The following FSTL5 variants were observed in gnomAD, a reference collection of about 807,000 sequenced individuals.
FSTL5 encodes the protein follistatin like 5.
FSTL5 carries 62 observed loss-of-function variants against 89.1 expected under a neutral mutation model. The ratio of observed to expected loss-of-function variants is 0.70; its 90% CI spans 0.57 to 0.86. The LOEUF (loss-of-function observed/expected upper bound fraction) is 0.86, where lower values mean the gene tolerates loss of function less well. FSTL5 is among the 40% of genes least tolerant of loss of function. The probability of loss-of-function intolerance (pLI) is 0.00; values close to 1 mark genes in which losing one functional copy is unlikely to be tolerated. For synonymous variants in FSTL5, 383 were observed against 346.2 expected (o/e 1.11, Z -1.18); for missense variants, 1,057 against 1,001.6 (o/e 1.06, Z -0.75).
chr4:161,878,233 G>A (rs186714297), intron 4 of FSTL5, among the ~76,000 whole-genome samples: 105 of 152,080 alleles, frequency 6.9e-4, no homozygotes, highest in Admixed American at 1.3e-3. Context: ...AAAATTATGA[G>A]TCACAGTTTA....
intron 4 of FSTL5, among the ~76,000 whole-genome samples, chr4:161,803,813 C>T (rs1729875088): frequency 6.6e-6 from 1 of 152,038 alleles, no homozygotes; most frequent in African/African-American, 2.4e-5. Flanking sequence ...CTGATAGTTT[C>T]TCAAGATCAG....
At chr4:161,440,379 A>G (rs1732718772) in intron 15 of FSTL5, among the ~76,000 whole-genome samples, 1 of 152,052 alleles carries the variant, frequency 6.6e-6, no homozygotes, top group African/African-American at 2.4e-5. Context: ...GGGCACACAT[A>G]AAATACACTA....
At chr4:161,543,457 C>T (rs905237402) in intron 8 of FSTL5, among the ~76,000 whole-genome samples, 15 of 151,216 alleles carry the variant, frequency 9.9e-5, no homozygotes, top group African/African-American at 2.4e-4. Flanking sequence ...GCATTTTTTT[C>T]GAGAAATTAA....
intron 6 of FSTL5, among the ~76,000 whole-genome samples, chr4:161,676,135 A>G (rs1429970813): frequency 2.0e-5 from 3 of 152,148 alleles, no homozygotes; most frequent in Non-Finnish European, 4.4e-5. Flanking sequence ...TAATTAACAT[A>G]AAATGTTTAG....
rs4691018 is a variant in FSTL5, at chr4:161,656,973, A to G, written c.728-479T>C. On this transcript the variant is annotated intron_variant, in intron 6 of 15. Coordinates refer to ENST00000306100, the MANE Select transcript of FSTL5 (RefSeq NM_020116.5). ...ATAAGATTTGTTTGGGAAGTTGAAG[A>G]AGTAAAAATCTGAAGTTCGCTGACC... 6.0e-3 allele frequency among the ~76,000 whole-genome samples: 916 copies of G among 152,312 alleles called. 9 individuals are homozygous for G. The highest frequency in any genetic ancestry group is 0.046 in the South Asian group (220 of 4,830).
chr4:161,933,750 T>C (rs1307033674), intron 3 of FSTL5, among the ~76,000 whole-genome samples: 1 of 151,938 alleles, frequency 6.6e-6, no homozygotes, highest in East Asian at 1.9e-4. Flanking sequence ...GGTTTCAGAG[T>C]GATAATTCCC....
At chr4:161,791,910 C>A (rs1000528783) in intron 4 of FSTL5, among the ~76,000 whole-genome samples, 5 of 152,122 alleles carry the variant, frequency 3.3e-5, no homozygotes, top group African/African-American at 1.2e-4. Context: ...AAGGTGAGGC[C>A]GGGGCTGCGC....
At chr4:161,924,711 G>A (rs1455257026) in intron 3 of FSTL5, among the ~76,000 whole-genome samples, 1 of 151,642 alleles carries the variant, frequency 6.6e-6, no homozygotes, top group Non-Finnish European at 1.5e-5. Flanking sequence ...TGAGTTAAGA[G>A]TCTAATGGCT....
chr4:162,060,910 C>T (rs9991315), intron 2 of FSTL5, among the ~76,000 whole-genome samples: 134,908 of 152,056 alleles, frequency 0.89, 59,847 homozygotes, highest in East Asian at 0.92. Context: ...CTTCCTTCAA[C>T]ATAACCAAAT....
intron 7 of FSTL5, among the ~76,000 whole-genome samples, chr4:161,620,309 T>C (rs1735075812): frequency 6.6e-6 from 1 of 151,984 alleles, no homozygotes; most frequent in Non-Finnish European, 1.5e-5. Flanking sequence ...CTGCACATTG[T>C]GCACATGTAC....
At chr4:161,772,462 C>A (rs920780288) in intron 5 of FSTL5, among the ~76,000 whole-genome samples, 2 of 151,522 alleles carry the variant, frequency 1.3e-5, no homozygotes, top group South Asian at 2.1e-4. Context: ...AACGACTCAT[C>A]CAAAAAGCTC....
intron 4 of FSTL5, among the ~76,000 whole-genome samples, chr4:161,888,891 C>T (rs2195744): frequency 0.46 from 69,176 of 151,744 alleles, 16,204 homozygotes; most frequent in Middle Eastern, 0.57. Flanking sequence ...AGGATTTCTT[C>T]GTGAGTCATC....
intron 2 of FSTL5, among the ~76,000 whole-genome samples, chr4:162,070,881 A>G (rs1729592398): frequency 6.6e-6 from 1 of 151,746 alleles, no homozygotes; most frequent in Non-Finnish European, 1.5e-5. Context: ...AAATCCCTAG[A>G]CTAACCCTAC....
At chr4:162,040,636 A>G (rs746045099) in intron 2 of FSTL5, among the ~76,000 whole-genome samples, 6 of 152,094 alleles carry the variant, frequency 3.9e-5, no homozygotes, top group Non-Finnish European at 1.5e-5. Flanking sequence ...GGAGTCATAC[A>G]TATATTATCA....
chr4:161,400,427 T>C (rs1731145861), intron 15 of FSTL5, among the ~76,000 whole-genome samples: 1 of 152,068 alleles, frequency 6.6e-6, no homozygotes, highest in Non-Finnish European at 1.5e-5. Flanking sequence ...AATCCAGATA[T>C]ATGTGCAGAC....
intron 2 of FSTL5, among the ~76,000 whole-genome samples, chr4:162,035,830 T>C (rs1169372248): frequency 6.6e-6 from 1 of 152,082 alleles, no homozygotes; most frequent in Non-Finnish European, 1.5e-5. Context: ...TAGCAGTGTA[T>C]TTGGAATACC....
chr4:161,783,928 GC>G (rs1317509071), intron 4 of FSTL5, among the ~76,000 whole-genome samples: 1 of 147,490 alleles, frequency 6.8e-6, no homozygotes. Flanking sequence ...ACCATGCCTG[GC>G]TAATTATTAT....
intron 10 of FSTL5, 45 bp from the exon 11 acceptor site, chr4:161,510,469 A>C (rs1730616332): frequency 1.7e-6 from 2 of 1,209,386 alleles, no homozygotes; most frequent in Non-Finnish European, 2.3e-6. Flanking sequence ...AAATGAGTAA[A>C]GAGAGCTTTT....
intron 8 of FSTL5, among the ~76,000 whole-genome samples, chr4:161,564,029 C>T (rs1317821252): frequency 6.6e-6 from 1 of 151,388 alleles, no homozygotes; most frequent in Admixed American, 6.6e-5. Flanking sequence ...AAAACTATGC[C>T]CCTCATCCAC....
Sources: gnomAD v4.1 joint callset for allele counts (sites outside exome capture counted in the v4.1 genomes callset) on GRCh38, gnomAD v4.1.1 for gene constraint, MANE v1.5 for transcripts, NCBI Gene and HGNC (gene_info 2026-07-23, HGNC 2026-07-21) for gene names.